Variants in NUP205 observed in about 807,000 individuals in gnomAD.
NUP205 encodes the protein nuclear pore complex protein Nup205.
A neutral mutation model predicts 253.8 loss-of-function variants in NUP205; 76 were observed. The observed-to-expected ratio is 0.30, with a 90% CI of 0.25 to 0.36. The LOEUF is 0.36. NUP205 is among the 10% of genes least tolerant of loss of function. The probability of loss-of-function intolerance (pLI) is 1.00; values close to 1 mark genes in which losing one functional copy is unlikely to be tolerated. For synonymous variants in NUP205, 832 were observed against 850.1 expected, an observed-to-expected ratio of 0.98 and a Z score of 0.37; for missense variants, 2,162 against 2,425.5, an observed-to-expected ratio of 0.89 and a Z score of 2.28.
rs1221333606 is a variant in NUP205 at position 135,638,602 on chromosome 7, A to G, written c.5311A>G (p.Ser1771Gly). 9 of 1,613,662 alleles carry G rather than the reference A, an allele frequency of 5.6e-6. No homozygotes were observed. Among genetic ancestry groups the G allele is most frequent in the Middle Eastern group, 1.6e-4 (1 of 6,084 alleles). ...MEYCQSLMLQ[S>G]SPTFQHAVCL... is the part of the protein sequence containing the mutation. ...ATATTGCCAGTCACTCATGTTACAGAGTTCCCCTACCTTCCAGCATGCTGT... is the reference window on the plus strand; with the variant it reads ...ATATTGCCAGTCACTCATGTTACAGGGTTCCCCTACCTTCCAGCATGCTGT... Residue 1771 changes from serine to glycine, a missense_variant, in exon 38 of 43, where the codon AGT becomes GGT. This residue lies in a region of NUP205 where 1,144 missense variants were observed against 1,280.9 expected (regional missense o/e 0.89). Transcript: ENST00000285968.
In NUP205 at chr7:135,604,464, A is replaced by G. The variant is rs763432326; in HGVS notation, c.2823+4A>G. On this transcript the variant is annotated splice_donor_region_variant and intron_variant, in intron 19 of 42. Transcript: ENST00000285968. ...TGGAGATTTCACACATGACCAGGTA[A>G]CTGATTTTGTTGCTCTTGTTATTTT... 1.3e-6 allele frequency: 2 copies of G among 1,598,780 alleles called. No homozygotes were observed. The highest frequency in any genetic ancestry group is 1.7e-6 in the Non-Finnish European group (2 of 1,175,684).
At chr7:135,622,948 T>G in intron 31 of NUP205, 23 bp downstream of exon 31, 1 of 1,606,866 alleles carries the variant, frequency 6.2e-7, no homozygotes, top group Non-Finnish European at 8.5e-7. Context: ...TTATTTAGTA[T>G]TATAATTGAA....
chr7:135,607,004 T>A, intron 21 of NUP205, 89 bp downstream of exon 21: 1 of 1,352,106 alleles, frequency 7.4e-7, no homozygotes, highest in African/African-American at 1.5e-5. Context: ...ATGGGATAAT[T>A]CATTGAAAGA....
At chr7:135,582,882 A>G (rs140817852) in intron 7 of NUP205, among the ~76,000 whole-genome samples, 5,155 of 152,186 alleles carry the variant, frequency 0.034, 118 homozygotes, top group Middle Eastern at 0.099. Flanking sequence ...TGAGGTCAAG[A>G]GATCAAGACC....
intron 2 of NUP205, among the ~76,000 whole-genome samples, chr7:135,572,138 C>T (rs760029082): frequency 1.8e-4 from 27 of 152,086 alleles, no homozygotes; most frequent in African/African-American, 6.5e-4. Flanking sequence ...GGATTATAGA[C>T]GTGAGCCACT....
chr7:135,641,545 C>T (rs1045769172), intron 38 of NUP205, among the ~76,000 whole-genome samples: 4 of 150,886 alleles, frequency 2.7e-5, no homozygotes, highest in East Asian at 2.0e-4. Flanking sequence ...TAAGGCAGTA[C>T]GTTGCTTGAG....
chr7:135,590,739 G>T (rs1171151933), intron 10 of NUP205, among the ~76,000 whole-genome samples: 1 of 151,746 alleles, frequency 6.6e-6, no homozygotes, highest in East Asian at 2.0e-4. Context: ...CACCATGTTG[G>T]CCAGGATAGT....
At chr7:135,592,601 T>C (rs1295663334) in intron 11 of NUP205, among the ~76,000 whole-genome samples, 6 of 152,154 alleles carry the variant, frequency 3.9e-5, no homozygotes, top group Admixed American at 3.9e-4. Context: ...AGTTTGTTGT[T>C]TTAGGCTGGG....
chr7:135,628,701 A>C (rs1658094295), intron 34 of NUP205, among the ~76,000 whole-genome samples: 1 of 152,192 alleles, frequency 6.6e-6, no homozygotes, highest in South Asian at 2.1e-4. Context: ...TCACTGATTG[A>C]TTAGGCTTAT....
intron 32 of NUP205, 64 bp downstream of exon 32, chr7:135,625,419 T>A: frequency 1.7e-6 from 2 of 1,170,436 alleles, no homozygotes; most frequent in Non-Finnish European, 2.4e-6. Flanking sequence ...ATAGATGTAT[T>A]AAAGAAAATT....
At chr7:135,565,083 G>C (rs997019075) in intron 1 of NUP205, among the ~76,000 whole-genome samples, 1 of 152,050 alleles carries the variant, frequency 6.6e-6, no homozygotes, top group African/African-American at 2.4e-5. Flanking sequence ...GTAGAGTTTT[G>C]ATCTTTAATT....
At chr7:135,607,002 A>G in intron 21 of NUP205, 87 bp downstream of exon 21, 1 of 1,359,762 alleles carries the variant, frequency 7.4e-7, no homozygotes, top group Non-Finnish European at 1.0e-6. Flanking sequence ...TCATGGGATA[A>G]TTCATTGAAA....
At chr7:135,620,300 G>C (rs770417347) in intron 30 of NUP205, among the ~76,000 whole-genome samples, 1 of 152,120 alleles carries the variant, frequency 6.6e-6, no homozygotes, top group Non-Finnish European at 1.5e-5. Context: ...TTGGGAGGCC[G>C]AGGCCTGTGG....
chr7:135,561,511 C>T (rs773615253), intron 1 of NUP205, among the ~76,000 whole-genome samples: 4 of 152,134 alleles, frequency 2.6e-5, no homozygotes, highest in South Asian at 2.1e-4. Context: ...CTGGTCACCT[C>T]GTCCATTCAC....
chr7:135,580,362 G>GT (rs1176594624), intron 7 of NUP205, among the ~76,000 whole-genome samples: 1 of 152,086 alleles, frequency 6.6e-6, no homozygotes, highest in Non-Finnish European at 1.5e-5. Flanking sequence ...TACAAATTCT[G>GT]TTTCTCACCT....
At chr7:135,603,596 G>A (rs1032280061) in intron 18 of NUP205, among the ~76,000 whole-genome samples, 6 of 148,542 alleles carry the variant, frequency 4.0e-5, no homozygotes, top group Admixed American at 6.7e-5. Flanking sequence ...TGCAACCTTC[G>A]CCTCCCAGGC....
At chr7:135,560,306 C>T (rs35956223) in intron 1 of NUP205, among the ~76,000 whole-genome samples, 33,794 of 152,088 alleles carry the variant, frequency 0.22, 4,345 homozygotes, top group East Asian at 0.5. Flanking sequence ...TATATACATT[C>T]CTTTAGTACA....
chr7:135,579,000 TACATAA>T (rs1806229530), intron 7 of NUP205, 85 bp downstream of exon 7: 1 of 1,037,792 alleles, frequency 9.6e-7, no homozygotes, highest in African/African-American at 1.6e-5. Flanking sequence ...ATCTTTGACA[TACATAA>T]GCATAAGCAT....
chr7:135,626,510 A>G, intron 33 of NUP205, 149 bp downstream of exon 33: 1 of 775,888 alleles, frequency 1.3e-6, no homozygotes, highest in South Asian at 2.1e-5. Flanking sequence ...GTCATTTACT[A>G]ATAAATGGAA....
Sources: allele counts gnomAD v4.1 joint callset (sites outside exome capture counted in the v4.1 genomes callset), GRCh38; gene constraint gnomAD v4.1.1; regional missense constraint gnomAD v4.1.1; transcripts MANE v1.5; gene names NCBI Gene and HGNC (gene_info 2026-07-23, HGNC 2026-07-21).